NRXN1: variants seen among roughly 807,000 people sequenced by gnomAD.
NRXN1 encodes the protein neurexin-1.
A neutral mutation model predicts 150.9 loss-of-function variants in NRXN1; 39 were observed. The observed-to-expected ratio is 0.26, with a 90% CI of 0.20 to 0.34. NRXN1 has a LOEUF of 0.34. Among genes scored for constraint, NRXN1 ranks in the 10% least tolerant of loss-of-function variants. The probability of loss-of-function intolerance (pLI) is 1.00; values close to 1 mark genes in which losing one functional copy is unlikely to be tolerated. For synonymous variants in NRXN1, 924 were observed against 757.0 expected, an observed-to-expected ratio of 1.22 and a Z score of -3.62; for missense variants, 1,815 against 1,949.9, an observed-to-expected ratio of 0.93 and a Z score of 1.30.
At chr2:50,862,022 T>C (rs1337857480) in intron 5 of NRXN1, among the ~76,000 whole-genome samples, 1 of 151,718 alleles carries the variant, frequency 6.6e-6, no homozygotes. Flanking sequence ...GCCAACATGG[T>C]GAAACCCTGT....
chr2:50,866,701 A>G (rs1202956532), intron 5 of NRXN1, among the ~76,000 whole-genome samples: 8 of 151,958 alleles, frequency 5.3e-5, no homozygotes, highest in Admixed American at 4.6e-4. Context: ...CGGAATGATT[A>G]TATTATAAAA....
At chr2:50,768,896 GAAC>G (rs552891524) in intron 5 of NRXN1, among the ~76,000 whole-genome samples, 160 of 150,444 alleles carry the variant, frequency 1.1e-3, no homozygotes, top group African/African-American at 2.7e-3. Context: ...CAACCACCAC[GAAC>G]AACAACAACA....
At chr2:50,265,251 GAA>G in intron 17 of NRXN1, among the ~76,000 whole-genome samples, 1 of 151,586 alleles carries the variant, frequency 6.6e-6, no homozygotes, top group African/African-American at 2.4e-5. Flanking sequence ...AACAAACACC[GAA>G]AAAAAATGTG....
chr2:49,941,485 T>A (rs1173401583), intron 22 of NRXN1, among the ~76,000 whole-genome samples: 2 of 151,908 alleles, frequency 1.3e-5, no homozygotes, highest in African/African-American at 4.8e-5. Context: ...TAATCAGACC[T>A]ATAAGCAATG....
chr2:50,717,127 C>A (rs554867555), intron 5 of NRXN1, among the ~76,000 whole-genome samples: 31 of 152,206 alleles, frequency 2.0e-4, no homozygotes, highest in African/African-American at 6.3e-4. Context: ...TTCTTTGTAT[C>A]CTCTGGTGTC....
At chr2:50,770,146 TTA>T (rs1702835495) in intron 5 of NRXN1, among the ~76,000 whole-genome samples, 1 of 152,054 alleles carries the variant, frequency 6.6e-6, no homozygotes, top group African/African-American at 2.4e-5. Context: ...GGAAATAACA[TTA>T]TAATAATATT....
intron 5 of NRXN1, among the ~76,000 whole-genome samples, chr2:50,685,218 G>T (rs559933838): frequency 1.4e-3 from 207 of 151,836 alleles, no homozygotes; most frequent in African/African-American, 4.9e-3. Flanking sequence ...TCTTTGATCC[G>T]CCTGTTTTTC....
At chr2:50,441,439 C>A (rs1366365082) in intron 17 of NRXN1, among the ~76,000 whole-genome samples, 1 of 152,106 alleles carries the variant, frequency 6.6e-6, no homozygotes, top group Non-Finnish European at 1.5e-5. Context: ...TTTCCATTGA[C>A]ACGGAACATT....
At position 51,027,638 on chromosome 2, in the gene NRXN1, G is replaced by A. The variant is rs1213476905; in HGVS notation, c.636C>T (p.Gly212=). The change falls in exon 2 of 23, where the codon GGC becomes GGT. Residue 212 remains glycine (G), a synonymous_variant. Coordinates refer to ENST00000401669, the MANE Select transcript of NRXN1 (RefSeq NM_001330078.2). ...VKLDDEPPNS[G]GGSPCEAGEE... ...CGCCCGCCTCGCACGGGCTTCCCCC[G>A]CCGCTGTTGGGCGGCTCATCGTCCA... 2.5e-6 allele frequency: 4 copies of A among 1,597,004 alleles called. No homozygotes were observed. The African/African-American group carries it at 4.0e-5, about 16-fold the overall frequency.
In NRXN1 at chr2:50,506,508, T is replaced by C. The variant is rs373807135; in HGVS notation, c.2484A>G (p.Gln828=). The change falls in exon 13 of 23, where the codon CAA becomes CAG. Residue 828 remains glutamine, a synonymous_variant. Transcript: ENST00000401669. The stretch of plus-strand genomic sequence containing the variant: ...AGAGGTGTTTACCTGTCATGGCCTG[T>C]TGGTCATCCACTGTTAACTTTAAAC... ...GKSLKLTVDD[Q]QAMTGQMAGD... 3 of 1,612,818 alleles carry C rather than the reference T, an allele frequency of 1.9e-6. No individual in the cohort carries two copies. Among genetic ancestry groups the C allele is most frequent in the South Asian group, 2.2e-5 (2 of 90,970 alleles).
chr2:50,986,605 T>C (rs1697752105), intron 2 of NRXN1, among the ~76,000 whole-genome samples: 1 of 151,744 alleles, frequency 6.6e-6, no homozygotes, highest in Non-Finnish European at 1.5e-5. Flanking sequence ...TTCATTTATA[T>C]TTTCCATTTC....
At position 50,188,846 on chromosome 2, in the gene NRXN1, T is replaced by A. The variant is rs181322994; in HGVS notation, c.3546+47943A>T. ...CATCTCATGCCAGTCAGAACAGAGA[T>A]CATTGAAAAGTCAGCAAACAACAGA... On this transcript the variant is annotated intron_variant, in intron 18 of 22. Transcript: ENST00000401669. Among the ~76,000 whole-genome samples the A allele has an allele frequency of 6.0e-3, 906 of 152,118 alleles. 3 individuals carry two copies. The highest frequency in any genetic ancestry group is 0.01 in the Non-Finnish European group (687 of 67,966).
intron 17 of NRXN1, among the ~76,000 whole-genome samples, chr2:50,393,641 T>C (rs192866692): frequency 6.6e-6 from 1 of 152,256 alleles, no homozygotes; most frequent in Admixed American, 6.6e-5. Flanking sequence ...TCATTTTTAC[T>C]AGTATTTTTA....
At chr2:50,578,882 T>TC (rs1558964893) in intron 8 of NRXN1, among the ~76,000 whole-genome samples, 2 of 152,078 alleles carry the variant, frequency 1.3e-5, no homozygotes, top group Non-Finnish European at 2.9e-5. Context: ...ATGAGAATAT[T>TC]ACATGAACGA....
intron 18 of NRXN1, among the ~76,000 whole-genome samples, chr2:50,228,868 T>C (rs865842990): frequency 6.6e-6 from 1 of 152,012 alleles, no homozygotes; most frequent in Non-Finnish European, 1.5e-5. Context: ...TTCAGGGCTG[T>C]GCTCTGTTGG....
intron 5 of NRXN1, among the ~76,000 whole-genome samples, chr2:50,633,541 T>A (rs1432984186): frequency 6.6e-6 from 1 of 151,468 alleles, no homozygotes; most frequent in Non-Finnish European, 1.5e-5. Flanking sequence ...TCAGATGGAA[T>A]GCTACTTTGT....
chr2:49,976,070 T>C (rs1678921494), intron 21 of NRXN1, among the ~76,000 whole-genome samples: 1 of 142,666 alleles, frequency 7.0e-6, no homozygotes, highest in South Asian at 2.2e-4. Flanking sequence ...TCACCCAGGC[T>C]GGAGTGCAGT....
intron 16 of NRXN1, chr2:50,466,360 C>A: frequency 2.9e-6 from 1 of 346,004 alleles, no homozygotes; most frequent in Non-Finnish European, 5.7e-6. Context: ...AAATCTGAAC[C>A]CAAATAACAG....
chr2:50,619,600 C>T (rs1270283791), intron 8 of NRXN1: 2 of 279,920 alleles, frequency 7.1e-6, no homozygotes, highest in Admixed American at 5.2e-5. Context: ...ATTACATAGT[C>T]GTTGCTTCTC....
Sources: allele counts gnomAD v4.1 joint callset (sites outside exome capture counted in the v4.1 genomes callset), GRCh38; gene constraint gnomAD v4.1.1; transcripts MANE v1.5; gene names NCBI Gene and HGNC (gene_info 2026-07-23, HGNC 2026-07-21).